Variants in CHN1 observed in about 807,000 individuals in gnomAD.
CHN1 encodes chimerin 1.
A neutral mutation model predicts 59.5 loss-of-function variants in CHN1; 37 were observed. That is an observed-to-expected ratio of 0.62 (90% CI 0.48 to 0.82). The LOEUF (loss-of-function observed/expected upper bound fraction) is 0.82, where lower values mean the gene tolerates loss of function less well. Among genes scored for constraint, CHN1 ranks in the 40% least tolerant of loss-of-function variants. The pLI is 0.00. For synonymous variants in CHN1, 206 were observed against 200.4 expected, an observed-to-expected ratio of 1.03 and a Z score of -0.24; for missense variants, 469 against 571.0, an observed-to-expected ratio of 0.82 and a Z score of 1.82.
intron 6 of CHN1, among the ~76,000 whole-genome samples, chr2:174,865,497 T>G (rs1027588102): frequency 3.9e-5 from 6 of 152,084 alleles, no homozygotes; most frequent in Admixed American, 3.9e-4. Context: ...CCCCCAAAGA[T>G]CTCCATGTTA....
chr2:174,800,829 G>A (rs931105354), intron 12 of CHN1, among the ~76,000 whole-genome samples: 5 of 152,196 alleles, frequency 3.3e-5, no homozygotes, highest in Non-Finnish European at 7.3e-5. Context: ...TTGAGAGTTA[G>A]TCCTCTGTTT....
chr2:174,978,070 T>C (rs1250074505), intron 1 of CHN1, among the ~76,000 whole-genome samples: 3 of 152,146 alleles, frequency 2.0e-5, no homozygotes, highest in African/African-American at 7.2e-5. Context: ...AAATTAATAT[T>C]GGGCAAAAAG....
intron 7 of CHN1, among the ~76,000 whole-genome samples, chr2:174,830,555 T>C (rs780430824): frequency 6.6e-6 from 1 of 152,224 alleles, no homozygotes; most frequent in Non-Finnish European, 1.5e-5. Flanking sequence ...AGTTAAGCAC[T>C]GACACTATGC....
intron 3 of CHN1, chr2:174,921,090 G>A (rs1689004261): frequency 8.1e-6 from 3 of 370,850 alleles, no homozygotes; most frequent in Admixed American, 2.4e-5. Context: ...AATGGGGAGC[G>A]GCTGTAGTTG....
At chr2:174,952,098 T>TA in intron 2 of CHN1, 66 bp downstream of exon 2, 1 of 996,948 alleles carries the variant, frequency 1.0e-6, no homozygotes, top group Non-Finnish European at 1.4e-6. Context: ...TATTTCTATC[T>TA]AATAATCCCA....
At chr2:174,802,657 T>C (rs999979929) in intron 11 of CHN1, among the ~76,000 whole-genome samples, 1 of 152,200 alleles carries the variant, frequency 6.6e-6, no homozygotes, top group African/African-American at 2.4e-5. Flanking sequence ...CTGAAAACAA[T>C]TAACATATTT....
intron 1 of CHN1, among the ~76,000 whole-genome samples, chr2:174,987,399 CTT>C (rs1488194026): frequency 2.0e-5 from 3 of 149,296 alleles, no homozygotes; most frequent in Non-Finnish European, 4.4e-5. Flanking sequence ...TCATAATACT[CTT>C]TTTTCTTTTT....
chr2:174,963,623 G>T (rs2105429265), intron 1 of CHN1, among the ~76,000 whole-genome samples: 1 of 152,314 alleles, frequency 6.6e-6, no homozygotes, highest in African/African-American at 2.4e-5. Context: ...GGGAACCTGG[G>T]CTGAGTTGTC....
intron 5 of CHN1, among the ~76,000 whole-genome samples, chr2:174,887,851 C>T (rs2105343817): frequency 6.6e-6 from 1 of 152,258 alleles, no homozygotes; most frequent in East Asian, 1.9e-4. Flanking sequence ...CTAAGTCTGA[C>T]AATTTATTAT....
chr2:174,900,974 G>A (rs538567457), intron 5 of CHN1, among the ~76,000 whole-genome samples: 2 of 152,222 alleles, frequency 1.3e-5, no homozygotes, highest in African/African-American at 4.8e-5. Context: ...GAGAAAGCTT[G>A]CATGGTAAAT....
At chr2:174,900,256 G>A (rs181702403) in intron 5 of CHN1, among the ~76,000 whole-genome samples, 6 of 152,098 alleles carry the variant, frequency 3.9e-5, no homozygotes, top group African/African-American at 9.7e-5. Context: ...TCTGGGACCC[G>A]GAGAAGGGAG....
chr2:174,988,880 T>C (rs1691444606), intron 1 of CHN1, among the ~76,000 whole-genome samples: 1 of 152,200 alleles, frequency 6.6e-6, no homozygotes, highest in African/African-American at 2.4e-5. Flanking sequence ...TTATTTCAGT[T>C]CACATTACCA....
At chr2:174,878,369 A>AT (rs750192794) in intron 5 of CHN1, among the ~76,000 whole-genome samples, 1 of 152,080 alleles carries the variant, frequency 6.6e-6, no homozygotes, top group Non-Finnish European at 1.5e-5. Flanking sequence ...CATAGAAATA[A>AT]TTTTTTTTAT....
chr2:174,814,630 A>C (rs1000676647), intron 8 of CHN1, among the ~76,000 whole-genome samples: 5 of 152,210 alleles, frequency 3.3e-5, no homozygotes, highest in Admixed American at 1.3e-4. Flanking sequence ...AATATAGGTA[A>C]AATGCATACA....
intron 1 of CHN1, among the ~76,000 whole-genome samples, chr2:174,978,155 G>A (rs548740513): frequency 6.6e-6 from 1 of 152,226 alleles, no homozygotes; most frequent in African/African-American, 2.4e-5. Context: ...ATTTTATTTT[G>A]TTCTTTGATC....
At chr2:174,990,254 TGTGTGTGTGA>T (rs1194947702) in intron 1 of CHN1, among the ~76,000 whole-genome samples, 4 of 96,174 alleles carry the variant, frequency 4.2e-5, no homozygotes, top group Non-Finnish European at 6.9e-5. Context: ...TGTGTGTGTG[TGTGTGTGTGA>T]GAGAGAGAGA....
chr2:174,870,555 T>G (rs970758371), intron 6 of CHN1, among the ~76,000 whole-genome samples: 2 of 152,216 alleles, frequency 1.3e-5, no homozygotes, highest in Non-Finnish European at 2.9e-5. Context: ...GTATGTGGTC[T>G]AAAGTGAGGA....
At chr2:174,801,912 T>A in intron 11 of CHN1, 100 bp from the exon 12 acceptor site, 1 of 901,806 alleles carries the variant, frequency 1.1e-6, no homozygotes. Flanking sequence ...CTGAAACTGG[T>A]AAGAAATGCT....
Position 174,866,889 on chromosome 2 carries a change from G to A in CHN1, c.549+10951C>T, listed in dbSNP as rs567512862. On this transcript the variant is annotated intron_variant, in intron 6 of 12. Coordinates refer to ENST00000409900, the MANE Select transcript of CHN1 (RefSeq NM_001822.7). ...AATTTGCACGTTTTTAATTATCTCC[G>A]AAAGAAATTAATTTATAAATTTAAA... is the stretch of plus-strand genomic sequence containing the variant. Among the ~76,000 whole-genome samples, 47 of 151,968 alleles carry A rather than the reference G, an allele frequency of 3.1e-4. 1 individual carries two copies. Among genetic ancestry groups the A allele is most frequent in the Admixed American group, 9.8e-4 (15 of 15,288 alleles).
Sources: allele counts gnomAD v4.1 joint callset (sites outside exome capture counted in the v4.1 genomes callset), GRCh38; gene constraint gnomAD v4.1.1; transcripts MANE v1.5; gene names NCBI Gene and HGNC (gene_info 2026-07-23, HGNC 2026-07-21).